CASP5: variants seen among roughly 807,000 people sequenced by gnomAD.
CASP5 encodes the protein caspase 5, also known as caspase-5.
A neutral mutation model predicts 45.2 loss-of-function variants in CASP5; 42 were observed. The observed-to-expected ratio is 0.93, with a 90% CI of 0.73 to 1.20. The LOEUF (loss-of-function observed/expected upper bound fraction) is 1.20, where lower values mean the gene tolerates loss of function less well. Ranked by LOEUF, CASP5 falls within the 50% of genes most tolerant of loss-of-function variation. The pLI is 0.00. For synonymous variants in CASP5, 209 were observed against 186.2 expected (o/e 1.12, Z -1.00); for missense variants, 512 against 532.2 (o/e 0.96, Z 0.37).
chr11:105,001,402 C>G (rs1861716532), intron 5 of CASP5, among the ~76,000 whole-genome samples: 1 of 152,184 alleles, frequency 6.6e-6, no homozygotes, highest in African/African-American at 2.4e-5. Context: ...TGCGGTGGCT[C>G]ACGCCTGTAA....
intron 1 of CASP5, among the ~76,000 whole-genome samples, chr11:105,015,648 G>C (rs1862550379): frequency 6.6e-6 from 1 of 151,860 alleles, no homozygotes; most frequent in South Asian, 2.1e-4. Flanking sequence ...CCTGACTCCA[G>C]TCTACGACCA....
chr11:105,014,910 A>T (rs1394774359), intron 1 of CASP5, among the ~76,000 whole-genome samples: 1 of 152,222 alleles, frequency 6.6e-6, no homozygotes, highest in Non-Finnish European at 1.5e-5. Flanking sequence ...CAGAGAAGGG[A>T]GGGCTTGGCA....
intron 1 of CASP5, among the ~76,000 whole-genome samples, chr11:105,014,875 G>A (rs1294070745): frequency 6.6e-6 from 1 of 152,216 alleles, no homozygotes; most frequent in Non-Finnish European, 1.5e-5. Flanking sequence ...TGAGCACACT[G>A]TGTTTCAGGT....
intron 1 of CASP5, among the ~76,000 whole-genome samples, chr11:105,021,747 T>G (rs890408253): frequency 1.3e-5 from 2 of 148,730 alleles, no homozygotes; most frequent in African/African-American, 4.9e-5. Context: ...TGGAAGTCAG[T>G]GTGGCGATTC....
intron 3 of CASP5, among the ~76,000 whole-genome samples, chr11:105,005,287 AG>A (rs1257840350): frequency 2.0e-5 from 3 of 152,000 alleles, no homozygotes; most frequent in Non-Finnish European, 4.4e-5. Flanking sequence ...AATTTCCCAC[AG>A]CACATAGGGA....
intron 3 of CASP5, among the ~76,000 whole-genome samples, chr11:105,006,745 A>T (rs1591163367): frequency 6.6e-6 from 1 of 152,292 alleles, no homozygotes; most frequent in Middle Eastern, 3.4e-3. Context: ...AAGACTGATG[A>T]CTAGGGAGAA....
At chr11:105,019,913 T>TC (rs1862854690) in intron 1 of CASP5, among the ~76,000 whole-genome samples, 1 of 145,778 alleles carries the variant, frequency 6.9e-6, no homozygotes, top group Non-Finnish European at 1.5e-5. Context: ...CTCAATAAAA[T>TC]ACTGGCAAAC....
chr11:105,017,582 G>T (rs1015581957), intron 1 of CASP5, among the ~76,000 whole-genome samples: 26 of 152,164 alleles, frequency 1.7e-4, no homozygotes, highest in Non-Finnish European at 3.4e-4. Flanking sequence ...TGAATGAAAT[G>T]AAGCAAGAAG....
chr11:105,000,530 A>C lies in CASP5; in HGVS notation c.718-35T>G, dbSNP rs541006074. 3.8e-6 allele frequency: 6 copies of C among 1,583,936 alleles called. No homozygotes were observed. The African/African-American group carries it at 6.7e-5, about 18-fold the overall frequency. Reference sequence around the variant, plus strand: ...AGCAATGTCTAACTTCAGTCAGAGAAGCATCACAATTAATAGGACCTCCTA... The same window carrying C: ...AGCAATGTCTAACTTCAGTCAGAGACGCATCACAATTAATAGGACCTCCTA... On this transcript the variant is annotated intron_variant, in intron 5 of 9. Coordinates refer to ENST00000260315, the MANE Select transcript of CASP5 (RefSeq NM_004347.5).
chr11:105,001,990 G>T (rs945870434), intron 5 of CASP5, 38 bp downstream of exon 5: 1 of 1,590,666 alleles, frequency 6.3e-7, no homozygotes, highest in Non-Finnish European at 8.6e-7. Flanking sequence ...AATCTGTGTT[G>T]CCTATGGATG....
chr11:105,004,480 A>C (rs1861905815), intron 3 of CASP5, among the ~76,000 whole-genome samples: 1 of 152,202 alleles, frequency 6.6e-6, no homozygotes, highest in South Asian at 2.1e-4. Context: ...AATTCAAAGA[A>C]GAATTTAGTA....
intron 5 of CASP5, among the ~76,000 whole-genome samples, chr11:105,000,830 C>T (rs1400229737): frequency 3.3e-5 from 5 of 152,088 alleles, no homozygotes; most frequent in Non-Finnish European, 7.4e-5. Context: ...ATAAACGCAT[C>T]ACACCACTGT....
chr11:105,003,202 A>C (rs959699058), intron 4 of CASP5, 72 bp downstream of exon 4: 40 of 972,508 alleles, frequency 4.1e-5, no homozygotes, highest in Non-Finnish European at 5.7e-5. Context: ...CCCATTTTTA[A>C]AAATGTGCAT....
chr11:105,010,722 T>C (rs1407941295), intron 1 of CASP5, among the ~76,000 whole-genome samples: 1 of 151,428 alleles, frequency 6.6e-6, no homozygotes, highest in East Asian at 1.9e-4. Flanking sequence ...TTCCATAGAG[T>C]TAACCATGAC....
In CASP5 at chr11:104,997,374, GA is replaced by G. The variant is rs752497919; in HGVS notation, c.1206+8del. ...AAGTAAATGACTAGAAAAGGAAATG[GA>G]AGCTTACCTTCCGAAATATTTCCAT... On this transcript the variant is annotated splice_region_variant and intron_variant, in intron 8 of 9. Coordinates refer to ENST00000260315, the MANE Select transcript of CASP5 (RefSeq NM_004347.5). The G allele has an allele frequency of 1.3e-6, 2 of 1,544,398 alleles. No individual in the cohort carries two copies. Among genetic ancestry groups the G allele is most frequent in the South Asian group, 2.2e-5 (2 of 89,598 alleles).
Position 105,009,735 on chromosome 11 carries a change from A to ACACG in CASP5, c.8-756_8-755insCGTG, listed in dbSNP as rs1419851806. On this transcript the variant is annotated intron_variant, in intron 1 of 9. Coordinates refer to ENST00000260315, the MANE Select transcript of CASP5 (RefSeq NM_004347.5). ...TATATACACACATATATATATATATATATATATATATATATATATATATAC... is the reference window on the plus strand; with the variant it reads ...TATATACACACATATATATATATATACACGTATATATATATATATATATATATAC... Among the ~76,000 whole-genome samples the ACACG allele has an allele frequency of 2.0e-4, 13 of 63,716 alleles. 1 individual carries two copies. The highest frequency in any genetic ancestry group is 1.2e-3 in the African/African-American group (13 of 10,600). 41.8% of individuals were successfully genotyped at this position (63,716 alleles called of 152,430 possible).
In CASP5 at chr11:105,000,334, C is replaced by T. The variant is rs1478840268; in HGVS notation, c.879G>A (p.Gln293=). ...TGAGGCAGTTGCGGTTGTTGAATAT[C>T]TGGAAGATGGTGTCATAAAGCAGCA... ...PDVLLYDTIF[Q]IFNNRNCLSL... Residue 293 remains glutamine (Q), a synonymous_variant, in exon 6 of 10, where the codon CAG becomes CAA. Coordinates refer to ENST00000260315, the MANE Select transcript of CASP5 (RefSeq NM_004347.5). 11 of 1,614,082 alleles carry T rather than the reference C, an allele frequency of 6.8e-6. No individual in the cohort carries two copies. Among genetic ancestry groups the T allele is most frequent in the East Asian group, 2.2e-5 (1 of 44,902 alleles).
chr11:105,022,117 A>T (rs1402790807), intron 1 of CASP5, among the ~76,000 whole-genome samples: 6 of 145,806 alleles, frequency 4.1e-5, no homozygotes, highest in African/African-American at 7.6e-5. Context: ...CAATGAGAAC[A>T]CATGGACACA....
In CASP5 at chr11:105,009,289, C is replaced by T. The variant is rs756649104; in HGVS notation, c.8-309G>A. ...TGTATTCAGATTTCTCTCTCTTGCT[C>T]AAACTCATGATGACCTACCTGAAGT... On this transcript the variant is annotated intron_variant, in intron 1 of 9. Coordinates refer to ENST00000260315, the MANE Select transcript of CASP5 (RefSeq NM_004347.5). Among the ~76,000 whole-genome samples, 6 of 151,812 alleles carry T rather than the reference C, an allele frequency of 4.0e-5. No individual in the cohort carries two copies. In the South Asian group the frequency reaches 1.0e-3, roughly 26 times the overall value.
Sources: gnomAD v4.1 joint callset for allele counts (sites outside exome capture counted in the v4.1 genomes callset) on GRCh38, gnomAD v4.1.1 for gene constraint, MANE v1.5 for transcripts, NCBI Gene and HGNC (gene_info 2026-07-23, HGNC 2026-07-21) for gene names.